The following PRKN variants were observed in gnomAD, a reference collection of about 807,000 sequenced individuals.
The protein encoded by PRKN is E3 ubiquitin-protein ligase parkin.
A neutral mutation model predicts 59.5 loss-of-function variants in PRKN; 56 were observed. That is an observed-to-expected ratio of 0.94 (90% confidence interval 0.76 to 1.18). The LOEUF is 1.18. Among genes scored for constraint, PRKN ranks in the 50% most tolerant of loss-of-function variants. PRKN has a pLI of 0.00. For missense variants in PRKN, 657 were observed against 596.4 expected (o/e 1.10, Z -1.06); for synonymous variants, 250 against 222.1 (o/e 1.13, Z -1.12).
At chr6:161,865,303 C>T (rs1167160019) in intron 6 of PRKN, among the ~76,000 whole-genome samples, 1 of 152,198 alleles carries the variant, frequency 6.6e-6, no homozygotes, top group Non-Finnish European at 1.5e-5. Flanking sequence ...GCAGAGTCAA[C>T]GTGGCCTAAT....
At chr6:161,427,069 A>T (rs1254593064) in intron 9 of PRKN, among the ~76,000 whole-genome samples, 1 of 151,990 alleles carries the variant, frequency 6.6e-6, no homozygotes, top group Admixed American at 6.6e-5. Flanking sequence ...ACCATGTGGG[A>T]GTGCAGTGGC....
At chr6:162,505,880 A>G (rs1235062605) in intron 1 of PRKN, among the ~76,000 whole-genome samples, 1 of 152,202 alleles carries the variant, frequency 6.6e-6, no homozygotes, top group Non-Finnish European at 1.5e-5. Context: ...AATATTTCAC[A>G]AGCATACTGG....
rs1784517984 is a variant in PRKN at position 162,349,032 on chromosome 6, CAT to C, written c.172-86269_172-86268del. On this transcript the variant is annotated intron_variant, in intron 2 of 11. Transcript: ENST00000366898. Reference sequence around the variant, plus strand: ...TGAAATGGACAAATTCTTTGAAAGACATAGTCAGTCAATAAAAAAGAGATAAT... The same window carrying C: ...TGAAATGGACAAATTCTTTGAAAGACAGTCAGTCAATAAAAAAGAGATAAT... Among the ~76,000 whole-genome samples, 4 of 152,234 alleles carry C rather than the reference CAT, an allele frequency of 2.6e-5. No individual in the cohort carries two copies. In the South Asian group the frequency reaches 8.3e-4, roughly 32 times the overall value.
At chr6:161,426,689 C>T (rs1450366733) in intron 9 of PRKN, among the ~76,000 whole-genome samples, 1 of 91,614 alleles carries the variant, frequency 1.1e-5, no homozygotes, top group Non-Finnish European at 2.6e-5. Flanking sequence ...CCTATTAGTT[C>T]TGTCCCTCTG....
In PRKN at chr6:161,402,094, T is replaced by C. The variant is rs1787076733; in HGVS notation, c.1084-15217A>G. On this transcript the variant is annotated intron_variant, in intron 9 of 11. Transcript: ENST00000366898. This position sits in a 1 kb window ranked among gnomAD's most constrained non-coding sequence, Gnocchi z 4.5. Reference sequence around the variant, plus strand: ...GAACCACTTAGAGAGCTGATTGTCATCACCGCCCTGACAGTCTCAGTGGCA... The same window carrying C: ...GAACCACTTAGAGAGCTGATTGTCACCACCGCCCTGACAGTCTCAGTGGCA... Among the ~76,000 whole-genome samples the C allele has an allele frequency of 6.6e-6, 1 of 152,096 alleles. No homozygotes were observed. The highest frequency in any genetic ancestry group is 1.5e-5 in the Non-Finnish European group (1 of 68,030).
chr6:162,215,547 T>C (rs2128077136), intron 3 of PRKN, among the ~76,000 whole-genome samples: 1 of 152,312 alleles, frequency 6.6e-6, no homozygotes, highest in Admixed American at 6.5e-5. Flanking sequence ...AGATTAAATG[T>C]AAATTGGTTA....
intron 6 of PRKN, among the ~76,000 whole-genome samples, chr6:161,791,892 C>T (rs1031211621): frequency 2.0e-5 from 3 of 152,320 alleles, no homozygotes; most frequent in South Asian, 2.1e-4. Context: ...AGTGCAGAAA[C>T]GGCAATGTGT....
intron 6 of PRKN, among the ~76,000 whole-genome samples, chr6:161,947,724 A>G (rs1311595183): frequency 6.6e-6 from 1 of 152,242 alleles, no homozygotes; most frequent in Non-Finnish European, 1.5e-5. Context: ...TTTTCACATC[A>G]AAAGATGATT....
intron 6 of PRKN, among the ~76,000 whole-genome samples, chr6:161,915,158 T>C (rs1433672582): frequency 1.3e-5 from 2 of 152,056 alleles, no homozygotes; most frequent in Admixed American, 6.5e-5. Context: ...TGGTGGTGTA[T>C]GCCTGTAGTC....
chr6:162,255,371 C>A (rs1188573880), intron 3 of PRKN, among the ~76,000 whole-genome samples: 2 of 152,260 alleles, frequency 1.3e-5, no homozygotes, highest in South Asian at 2.1e-4. Context: ...GCCCTTGTCA[C>A]GAAGTATCTG....
chr6:161,936,637 A>G (rs1016391644), intron 6 of PRKN, among the ~76,000 whole-genome samples: 3 of 152,142 alleles, frequency 2.0e-5, no homozygotes, highest in Non-Finnish European at 4.4e-5. Context: ...CATGCCCAGG[A>G]AAGCTCCACC....
At chr6:162,008,212 T>C (rs1782336264) in intron 5 of PRKN, among the ~76,000 whole-genome samples, 1 of 152,164 alleles carries the variant, frequency 6.6e-6, no homozygotes, top group Non-Finnish European at 1.5e-5. Flanking sequence ...GATGCACATA[T>C]ATGTGTATGA....
chr6:162,721,046 C>T (rs894024614), intron 1 of PRKN, among the ~76,000 whole-genome samples: 2 of 152,144 alleles, frequency 1.3e-5, no homozygotes, highest in African/African-American at 4.8e-5. Flanking sequence ...AGAAATATGG[C>T]CTTTAATCAG....
intron 7 of PRKN, among the ~76,000 whole-genome samples, chr6:161,645,239 T>G (rs955204047): frequency 8.5e-6 from 1 of 118,276 alleles, no homozygotes; most frequent in Admixed American, 7.7e-5. Context: ...CCTCAATAAA[T>G]AGCCAAAAAA....
chr6:162,005,551 A>G lies in PRKN; in HGVS notation c.619-32134T>C, dbSNP rs75352330. ...CTCTGCAGGACTATTAAATTGGTAG[A>G]AAAAAAAAAAGGAATGAAACTCTTG... is the stretch of plus-strand genomic sequence containing the variant. On this transcript the variant is annotated intron_variant, in intron 5 of 11. Transcript: ENST00000366898. 1.3e-3 allele frequency among the ~76,000 whole-genome samples: 51 copies of G among 39,994 alleles called. No individual in the cohort carries two copies. In the East Asian group the frequency reaches 0.055, roughly 43 times the overall value. The allele number at this position is 39,994 out of a possible 152,430, so 26.2% of individuals were successfully genotyped here.
intron 6 of PRKN, among the ~76,000 whole-genome samples, chr6:161,913,955 C>T (rs970286609): frequency 6.6e-6 from 1 of 152,300 alleles, no homozygotes; most frequent in South Asian, 2.1e-4. Flanking sequence ...AGAGCCCTCA[C>T]CAGGTTTCCA....
intron 3 of PRKN, among the ~76,000 whole-genome samples, chr6:162,226,658 C>T (rs933768708): frequency 2.8e-4 from 42 of 152,082 alleles, no homozygotes; most frequent in African/African-American, 9.7e-4. Context: ...CCCAGCCTCC[C>T]GAGTAGCTGG....
chr6:162,148,521 T>A (rs576585402), intron 4 of PRKN, among the ~76,000 whole-genome samples: 1 of 152,188 alleles, frequency 6.6e-6, no homozygotes, highest in Non-Finnish European at 1.5e-5. Context: ...CCTCATTCAA[T>A]CCTTAAAAGG....
chr6:162,563,164 C>T (rs987161659), intron 1 of PRKN, among the ~76,000 whole-genome samples: 6 of 152,016 alleles, frequency 3.9e-5, no homozygotes, highest in African/African-American at 1.2e-4. Context: ...ATTAGCCAGA[C>T]GTAGTGGTGG....
Sources: gnomAD v4.1 joint callset for allele counts (sites outside exome capture counted in the v4.1 genomes callset) on GRCh38, gnomAD v4.1.1 for gene constraint, Gnocchi (gnomAD v3.1) non-coding constraint, MANE v1.5 for transcripts, NCBI Gene and HGNC (gene_info 2026-07-23, HGNC 2026-07-21) for gene names.